The following CD44 variants were observed in gnomAD, a reference collection of about 807,000 sequenced individuals.
CD44 encodes the protein CD44 molecule (IN blood group), also known as CD44 antigen.
CD44 carries 49 observed loss-of-function variants against 88.8 expected under a neutral mutation model. The observed-to-expected ratio is 0.55, with a 90% CI of 0.44 to 0.70. The LOEUF is 0.70. Ranked by LOEUF, CD44 falls within the 30% of genes least tolerant of loss-of-function variation. The pLI is 0.00. For missense variants in CD44, 883 were observed against 913.8 expected (o/e 0.97, Z 0.43); for synonymous variants, 325 against 312.3 (o/e 1.04, Z -0.43).
At chr11:35,148,940 C>T (rs998433951) in intron 1 of CD44, among the ~76,000 whole-genome samples, 4 of 152,202 alleles carry the variant, frequency 2.6e-5, no homozygotes, top group African/African-American at 9.7e-5. Context: ...TAGCGATCCT[C>T]AACCCGCCTC....
chr11:35,168,114 T>C (rs1381545986), intron 1 of CD44, among the ~76,000 whole-genome samples: 1 of 152,214 alleles, frequency 6.6e-6, no homozygotes, highest in Non-Finnish European at 1.5e-5. Context: ...CCCTATCTTG[T>C]GGTCCAGAAT....
rs755887039 is a variant in CD44, at chr11:35,229,503, C to A, written c.*170C>A. ...TGTGTTTTGTTCTTTAAAGTCAGGT[C>A]CAATTTGTAAAAACAGCATTGCTTT... On this transcript the variant is annotated 3_prime_UTR_variant, in exon 18 of 18. Transcript: ENST00000428726. 2.8e-5 allele frequency: 16 copies of A among 571,846 alleles called. No homozygotes were observed. Among genetic ancestry groups the A allele is most frequent in the Non-Finnish European group, 4.3e-5 (14 of 322,980 alleles). 35.4% of individuals were successfully genotyped at this position (571,846 alleles called of 1,614,324 possible).
At chr11:35,202,691 C>T (rs1947429463) in intron 9 of CD44, among the ~76,000 whole-genome samples, 1 of 152,014 alleles carries the variant, frequency 6.6e-6, no homozygotes, top group African/African-American at 2.4e-5. Context: ...CTTCAGATAA[C>T]AAAAGAAAAG....
At position 35,184,377 on chromosome 11, in the gene CD44, A is replaced by T. The variant is rs570859854; in HGVS notation, c.368-2455A>T. Among the ~76,000 whole-genome samples the T allele has an allele frequency of 2.0e-5, 3 of 152,304 alleles. No homozygotes were observed. In the South Asian group the frequency reaches 6.2e-4, roughly 32 times the overall value. On this transcript the variant is annotated intron_variant, in intron 3 of 17. Transcript: ENST00000428726. ...GCCTGGAAATTCCCAGTGTACTGTTACTTGCAGTTATATTTGAAGTTAGGG... is the reference window on the plus strand; with the variant it reads ...GCCTGGAAATTCCCAGTGTACTGTTTCTTGCAGTTATATTTGAAGTTAGGG...
chr11:35,163,251 C>T (rs1590980659), intron 1 of CD44, among the ~76,000 whole-genome samples: 1 of 146,408 alleles, frequency 6.8e-6, no homozygotes, highest in African/African-American at 2.5e-5. Flanking sequence ...AATGATTTAC[C>T]TTTTTTTTTT....
Position 35,167,123 on chromosome 11 carries a change from C to T in CD44, c.68-9452C>T, listed in dbSNP as rs555251983. ...CAAATGAAGAAGAAAATGACTTCTT[C>T]GTGTCCTATTAAGACAGTGAGTTGT... On this transcript the variant is annotated intron_variant, in intron 1 of 17. Coordinates refer to ENST00000428726, the MANE Select transcript of CD44 (RefSeq NM_000610.4). 3.6e-4 allele frequency among the ~76,000 whole-genome samples: 55 copies of T among 152,302 alleles called. 2 individuals are homozygous for T. In the South Asian group the frequency reaches 5.8e-3, roughly 16 times the overall value.
At chr11:35,172,312 C>T (rs1943997605) in intron 1 of CD44, among the ~76,000 whole-genome samples, 1 of 152,154 alleles carries the variant, frequency 6.6e-6, no homozygotes, top group Admixed American at 6.5e-5. Flanking sequence ...ATCTTGATCC[C>T]ACTTGTTTAA....
At chr11:35,183,055 G>C (rs1232880022) in intron 3 of CD44, among the ~76,000 whole-genome samples, 1 of 152,060 alleles carries the variant, frequency 6.6e-6, no homozygotes, top group Non-Finnish European at 1.5e-5. Context: ...CTCTTTGGAG[G>C]GTTAGTTCAG....
chr11:35,196,221 T>C (rs1385046332), intron 5 of CD44, among the ~76,000 whole-genome samples: 2 of 152,240 alleles, frequency 1.3e-5, no homozygotes, highest in Non-Finnish European at 2.9e-5. Context: ...TTCCTGACTA[T>C]GGGAAACATA....
chr11:35,185,033 T>C (rs1349573800), intron 3 of CD44, among the ~76,000 whole-genome samples: 1 of 152,184 alleles, frequency 6.6e-6, no homozygotes, highest in East Asian at 1.9e-4. Flanking sequence ...CTGTGGAGCT[T>C]ATACATTTCT....
At position 35,211,674 on chromosome 11, in the gene CD44, A is replaced by ATGTG. The variant is rs57790931; in HGVS notation, c.1810+253_1810+256dup. 3.9e-4 allele frequency among the ~76,000 whole-genome samples: 58 copies of ATGTG among 149,128 alleles called. 1 individual carries two copies. Among genetic ancestry groups the ATGTG allele is most frequent in the Non-Finnish European group, 4.2e-4 (28 of 66,994 alleles). On this transcript the variant is annotated intron_variant, in intron 14 of 17. Transcript: ENST00000428726. ...GTTTTTTCCATTTGTCTGTGTTTGC[A>ATGTG]TGTGTGTGTGTGTGTGTGTGTGTGT...
At chr11:35,184,835 C>A (rs751717200) in intron 3 of CD44, among the ~76,000 whole-genome samples, 1 of 152,074 alleles carries the variant, frequency 6.6e-6, no homozygotes, top group Non-Finnish European at 1.5e-5. Context: ...AAATGCGTGA[C>A]CTGTACATAT....
At chr11:35,224,663 G>A (rs558750566) in intron 17 of CD44, among the ~76,000 whole-genome samples, 47 of 152,274 alleles carry the variant, frequency 3.1e-4, no homozygotes, top group South Asian at 6.2e-4. Context: ...CTTGAGCCCC[G>A]GGAGGTGGAG....
chr11:35,198,175 A>C lies in CD44; in HGVS notation c.851A>C (p.Asp284Ala). 6.2e-7 allele frequency: 1 copy of C among 1,614,066 alleles called. No homozygotes were observed. Among genetic ancestry groups the C allele is most frequent in the African/African-American group, 1.3e-5 (1 of 75,080 alleles). Residue 284 changes from aspartate to alanine, a missense_variant, in exon 7 of 18, where the codon GAT (aspartate) becomes GCT (alanine). Physicochemically the swap from Asp to Ala is moderately radical, Grantham distance 126. This residue lies in a region of CD44 where 631 missense variants were observed against 590.9 expected (regional missense o/e 1.07). Transcript: ENST00000428726. Reference protein sequence around the residue: ...AGWEPNEENEDERDRHLSFSG... With the variant: ...AGWEPNEENEAERDRHLSFSG... ...TGGGAGCCAAATGAAGAAAATGAAG[A>C]TGAAAGAGACAGACACCTCAGTTTT...
chr11:35,181,680 A>T (rs958292610), intron 3 of CD44, among the ~76,000 whole-genome samples: 2 of 134,526 alleles, frequency 1.5e-5, no homozygotes, highest in African/African-American at 5.6e-5. Flanking sequence ...ATATATATAT[A>T]TTTATATATA....
In CD44 at chr11:35,229,579, C is replaced by T. The variant is rs1242566504; in HGVS notation, c.*246C>T. On this transcript the variant is annotated 3_prime_UTR_variant, in exon 18 of 18. Coordinates refer to ENST00000428726, the MANE Select transcript of CD44 (RefSeq NM_000610.4). ...CAGCAAGAATTTGATCGTTCCAGTT[C>T]CCACTTGGAGGCCTTTCATCCCTCG... is the stretch of plus-strand genomic sequence containing the variant. 6.1e-6 allele frequency: 3 copies of T among 492,188 alleles called. No individual in the cohort carries two copies. The highest frequency in any genetic ancestry group is 1.9e-5 in the African/African-American group (1 of 51,804). 30.5% of individuals were successfully genotyped at this position (492,188 alleles called of 1,614,324 possible).
rs763154123 is a variant in CD44, at chr11:35,201,801, C to T, written c.1153+14C>T. The T allele has an allele frequency of 3.7e-6, 6 of 1,612,522 alleles. No homozygotes were observed. In the East Asian group the frequency reaches 6.7e-5, roughly 18 times the overall value. On this transcript the variant is annotated intron_variant, in intron 9 of 17. Transcript: ENST00000428726. Reference sequence around the variant, plus strand: ...CTACAAGCACAAGTAAGCAAGATGGCGGTCGGCAGTTCTGGGTTAGATGAA... The same window carrying T: ...CTACAAGCACAAGTAAGCAAGATGGTGGTCGGCAGTTCTGGGTTAGATGAA...
Position 35,201,093 on chromosome 11 carries a change from C to T in CD44, c.934C>T (p.Pro312Ser), listed in dbSNP as rs757517682. The change falls in exon 8 of 18, where the codon CCA becomes TCA. Residue 312 changes from proline to serine, a missense_variant. Pro to Ser is a moderately conservative substitution (Grantham distance 74). Coordinates refer to ENST00000428726, the MANE Select transcript of CD44 (RefSeq NM_000610.4). ...DFISSTISTT[P>S]RAFDHTKQNQ... Reference sequence around the variant, plus strand: ...CATCGTTATCACAGTTTCAACCACACCACGGGCTTTTGACCACACAAAACA... The same window carrying T: ...CATCGTTATCACAGTTTCAACCACATCACGGGCTTTTGACCACACAAAACA... The T allele has an allele frequency of 5.6e-6, 9 of 1,613,314 alleles. No individual in the cohort carries two copies. Among genetic ancestry groups the T allele is most frequent in the Middle Eastern group, 1.6e-4 (1 of 6,082 alleles).
chr11:35,229,380 C>T lies in CD44; in HGVS notation c.*47C>T, dbSNP rs761439402. The T allele has an allele frequency of 9.8e-6, 12 of 1,230,410 alleles. No individual in the cohort carries two copies. Among genetic ancestry groups the T allele is most frequent in the African/African-American group, 1.5e-5 (1 of 67,120 alleles). 76.2% of individuals were successfully genotyped at this position (1,230,410 alleles called of 1,614,324 possible). ...AAGAAACAACCGTTGGAAACATAAC[C>T]ATTACAGGGAGCTGGGACACTTAAC... On this transcript the variant is annotated 3_prime_UTR_variant, in exon 18 of 18. Coordinates refer to ENST00000428726, the MANE Select transcript of CD44 (RefSeq NM_000610.4).
Sources: allele counts gnomAD v4.1 joint callset (sites outside exome capture counted in the v4.1 genomes callset), GRCh38; gene constraint gnomAD v4.1.1; regional missense constraint gnomAD v4.1.1; transcripts MANE v1.5; gene names NCBI Gene and HGNC (gene_info 2026-07-23, HGNC 2026-07-21).